Variants in RBFOX1 observed in about 807,000 individuals in gnomAD.
RBFOX1 encodes the protein RNA binding fox-1 homolog 1, also known as RNA binding protein fox-1 homolog 1.
A neutral mutation model predicts 57.7 loss-of-function variants in RBFOX1; 8 were observed. That is an observed-to-expected ratio of 0.14 (90% CI 0.08 to 0.25). The LOEUF (loss-of-function observed/expected upper bound fraction) is 0.25. RBFOX1 is among the 10% of genes least tolerant of loss of function. The pLI is 1.00. For missense variants in RBFOX1, 611 were observed against 548.5 expected, an observed-to-expected ratio of 1.11 and a Z score of -1.14; for synonymous variants, 326 against 222.4, an observed-to-expected ratio of 1.47 and a Z score of -4.15.
intron 3 of RBFOX1, among the ~76,000 whole-genome samples, chr16:6,859,117 A>ATATATATATATATG (rs2058436500): frequency 3.0e-5 from 2 of 67,592 alleles, no homozygotes; most frequent in Admixed American, 1.7e-4. Flanking sequence ...AAGTGTATAT[A>ATATATATATATATG]TATATATATA....
intron 1 of RBFOX1, among the ~76,000 whole-genome samples, chr16:5,251,878 G>A (rs1042838811): frequency 6.6e-6 from 1 of 151,910 alleles, no homozygotes; most frequent in African/African-American, 2.4e-5. Context: ...TAAATTAAAT[G>A]GAATTAACTT....
intron 4 of RBFOX1, among the ~76,000 whole-genome samples, chr16:7,368,786 A>T (rs912948823): frequency 6.6e-6 from 1 of 151,302 alleles, no homozygotes; most frequent in African/African-American, 2.5e-5. Flanking sequence ...TCTCAAAAAA[A>T]AAAAAAAAAA....
chr16:6,031,102 T>G (rs2095282165), intron 1 of RBFOX1, among the ~76,000 whole-genome samples: 1 of 152,212 alleles, frequency 6.6e-6, no homozygotes. Flanking sequence ...TGAGTGACCC[T>G]GTTCGGTAGG....
intron 5 of RBFOX1, among the ~76,000 whole-genome samples, chr16:7,530,097 C>T (rs910670650): frequency 2.0e-5 from 3 of 151,686 alleles, no homozygotes; most frequent in Non-Finnish European, 2.9e-5. Flanking sequence ...TTGGATGCTT[C>T]AGTGTGACAG....
intron 1 of RBFOX1, among the ~76,000 whole-genome samples, chr16:6,287,984 A>G (rs2077070147): frequency 6.6e-6 from 1 of 152,108 alleles, no homozygotes; most frequent in Admixed American, 6.5e-5. Flanking sequence ...GCGTTGGTGC[A>G]TTTTGCGTAC....
At chr16:5,872,777 G>C (rs932966178) in intron 4 of RBFOX1, among the ~76,000 whole-genome samples, 1 of 152,028 alleles carries the variant, frequency 6.6e-6, no homozygotes, top group South Asian at 2.1e-4. Context: ...CAATGCTTAA[G>C]ACAGAGCCTG....
intron 4 of RBFOX1, among the ~76,000 whole-genome samples, chr16:7,454,518 A>G (rs1221220884): frequency 1.3e-5 from 2 of 152,206 alleles, no homozygotes; most frequent in East Asian, 1.9e-4. Context: ...TATAAGGTCC[A>G]GAATTCCCAT....
intron 4 of RBFOX1, among the ~76,000 whole-genome samples, chr16:7,269,313 C>G (rs58007414): frequency 0.055 from 8,339 of 152,092 alleles, 770 homozygotes; most frequent in African/African-American, 0.19. Context: ...TTTAGAAAAG[C>G]AACATATGAT....
chr16:6,122,384 AC>A (rs1375487829), intron 1 of RBFOX1, among the ~76,000 whole-genome samples: 3 of 150,800 alleles, frequency 2.0e-5, no homozygotes, highest in African/African-American at 7.4e-5. Context: ...ACACACACAC[AC>A]ACACACACAC....
intron 2 of RBFOX1, among the ~76,000 whole-genome samples, chr16:6,399,015 C>T (rs562042494): frequency 6.6e-5 from 10 of 152,330 alleles, no homozygotes; most frequent in African/African-American, 1.4e-4. Context: ...GAAATCTAGG[C>T]GAAGGTTCCC....
chr16:7,033,021 G>T (rs371263358), intron 3 of RBFOX1, among the ~76,000 whole-genome samples: 3 of 152,192 alleles, frequency 2.0e-5, no homozygotes, highest in African/African-American at 7.2e-5. Flanking sequence ...AATAGCAGGA[G>T]CACCTACTGT....
chr16:7,431,529 C>G (rs1006273079), intron 4 of RBFOX1, among the ~76,000 whole-genome samples: 3 of 152,272 alleles, frequency 2.0e-5, no homozygotes, highest in African/African-American at 7.2e-5. Flanking sequence ...CGTGAGCCAC[C>G]GCGCCACTGT....
chr16:7,173,660 A>T (rs760526496), intron 4 of RBFOX1, among the ~76,000 whole-genome samples: 20 of 152,178 alleles, frequency 1.3e-4, no homozygotes, highest in Non-Finnish European at 2.5e-4. Context: ...GGTAATTAAG[A>T]CTGAGAATGG....
chr16:7,041,925 G>A (rs1231212153), intron 3 of RBFOX1, among the ~76,000 whole-genome samples: 2 of 152,066 alleles, frequency 1.3e-5, no homozygotes, highest in African/African-American at 4.8e-5. Context: ...TATCTCTATG[G>A]TACAAATGGG....
intron 4 of RBFOX1, among the ~76,000 whole-genome samples, chr16:5,939,116 T>G (rs1189031146): frequency 2.0e-5 from 3 of 152,070 alleles, no homozygotes; most frequent in African/African-American, 7.2e-5. Flanking sequence ...GCGGGAGGGA[T>G]AGCATTAGGA....
Position 5,439,992 on chromosome 16 carries a change from A to T in RBFOX1, c.220-27224A>T, listed in dbSNP as rs576176685. On this transcript the variant is annotated intron_variant, in intron 1 of 2. Coordinates refer to the RBFOX1 transcript ENST00000585867. The stretch of plus-strand genomic sequence containing the variant: ...CTCAGGATAAATGCCAGAGCTAAAG[A>T]TATTAGTTTGGCTGTTAACACCATT... 5.9e-5 allele frequency among the ~76,000 whole-genome samples: 9 copies of T among 152,314 alleles called. No homozygotes were observed. In the East Asian group the frequency reaches 1.7e-3, roughly 29 times the overall value.
At chr16:5,915,886 T>A (rs746058036) in intron 4 of RBFOX1, among the ~76,000 whole-genome samples, 1 of 152,138 alleles carries the variant, frequency 6.6e-6, no homozygotes, top group African/African-American at 2.4e-5. Flanking sequence ...ATCATAAGCC[T>A]TAAAAAATGT....
At chr16:6,293,297 C>A (rs1429717779) in intron 1 of RBFOX1, among the ~76,000 whole-genome samples, 2 of 152,148 alleles carry the variant, frequency 1.3e-5, no homozygotes, top group Non-Finnish European at 2.9e-5. Flanking sequence ...TCAAAGTCTG[C>A]CTCCTTAAGT....
At chr16:7,351,264 G>A (rs536216620) in intron 4 of RBFOX1, among the ~76,000 whole-genome samples, 5 of 152,292 alleles carry the variant, frequency 3.3e-5, no homozygotes, top group East Asian at 1.9e-4. Context: ...CAGTTCATTC[G>A]TACCTAAAAT....
Sources: gnomAD v4.1 joint callset for allele counts (sites outside exome capture counted in the v4.1 genomes callset) on GRCh38, gnomAD v4.1.1 for gene constraint, MANE v1.5 for transcripts, NCBI Gene and HGNC (gene_info 2026-07-23, HGNC 2026-07-21) for gene names.